The following APBB2 variants were observed in gnomAD, a reference collection of about 807,000 sequenced individuals.
APBB2 encodes amyloid beta precursor protein binding family B member 2.
A neutral mutation model predicts 82.5 loss-of-function variants in APBB2; 38 were observed. That is an observed-to-expected ratio of 0.46 (90% CI 0.36 to 0.60). The LOEUF (loss-of-function observed/expected upper bound fraction) is 0.60, where lower values mean the gene tolerates loss of function less well. APBB2 is among the 20% of genes least tolerant of loss of function. The pLI, the probability that APBB2 is intolerant of heterozygous loss-of-function variation, is 0.00. For missense variants in APBB2, 772 were observed against 972.3 expected, an observed-to-expected ratio of 0.79 and a Z score of 2.74; for synonymous variants, 341 against 368.2, an observed-to-expected ratio of 0.93 and a Z score of 0.85.
At chr4:40,961,681 A>AGTT (rs1435513871) in intron 6 of APBB2, among the ~76,000 whole-genome samples, 18 of 119,798 alleles carry the variant, frequency 1.5e-4, no homozygotes, top group African/African-American at 3.4e-4. Flanking sequence ...AAAAAAAAAA[A>AGTT]AAAAAAAAAA....
intron 3 of APBB2, among the ~76,000 whole-genome samples, chr4:41,091,611 T>A (rs1741738434): frequency 6.6e-6 from 1 of 152,212 alleles, no homozygotes; most frequent in Non-Finnish European, 1.5e-5. Flanking sequence ...CATCACTGAA[T>A]CACCAACACC....
At chr4:40,829,646 A>C (rs1577742531) in intron 13 of APBB2, among the ~76,000 whole-genome samples, 1 of 151,938 alleles carries the variant, frequency 6.6e-6, no homozygotes, top group African/African-American at 2.4e-5. Context: ...CTCCTCCTGA[A>C]AAGCAAGAGA....
chr4:41,140,700 C>T lies in APBB2; in HGVS notation c.-261+2287G>A, dbSNP rs531116118. Among the ~76,000 whole-genome samples, 6 of 152,350 alleles carry T rather than the reference C, an allele frequency of 3.9e-5. No homozygotes were observed. The East Asian group carries it at 7.7e-4, about 20-fold the overall frequency. On this transcript the variant is annotated intron_variant, in intron 2 of 17. Transcript: ENST00000508593. ...ATTTGTATTTACAGCCGGTCTCCAT[C>T]GCTCACGTTACCTCCTGGGCTCTGC...
chr4:41,083,311 A>C (rs1430421603), intron 3 of APBB2, among the ~76,000 whole-genome samples: 1 of 152,206 alleles, frequency 6.6e-6, no homozygotes, highest in African/African-American at 2.4e-5. Context: ...AAAGACGGGA[A>C]TGAAATACAT....
At chr4:40,824,187 T>C in intron 15 of APBB2, among the ~76,000 whole-genome samples, 1 of 151,876 alleles carries the variant, frequency 6.6e-6, no homozygotes. Context: ...AAAAAAGAAA[T>C]AACAGCCTTT....
chr4:41,145,737 CT>C (rs569621630), intron 1 of APBB2, among the ~76,000 whole-genome samples: 70 of 152,260 alleles, frequency 4.6e-4, no homozygotes, highest in African/African-American at 1.6e-3. Flanking sequence ...GAACAAAAGG[CT>C]TTCAACAAGA....
At position 40,810,504 on chromosome 4, in the gene APBB2, GGAGGTGCAGGTTGCAGT is replaced by G. The variant is rs1744192804; in HGVS notation, c.*5571_*5587del. On this transcript the variant is annotated 3_prime_UTR_variant, in exon 18 of 18. Coordinates refer to ENST00000508593, the MANE Select transcript of APBB2 (RefSeq NM_004307.2). ...GAGGTACGAGGATCTCTTGAGTCCA[GGAGGTGCAGGTTGCAGT>G]GAGCCAATATTGCCCCACTGCACTC... The G allele has an allele frequency of 6.7e-6, 1 of 149,826 alleles. No homozygotes were observed. Among genetic ancestry groups the G allele is most frequent in the African/African-American group, 2.5e-5 (1 of 40,406 alleles). The allele number at this position is 149,826 out of a possible 1,614,324, so 9.3% of individuals were successfully genotyped here. A position where few individuals can be genotyped will look rare whatever the true frequency, so the allele number is the denominator to read the frequency against.
At chr4:41,106,462 C>CT (rs11408479) in intron 2 of APBB2, among the ~76,000 whole-genome samples, 151,467 of 151,886 alleles carry the variant, frequency 1, 75,524 homozygotes, top group Middle Eastern at 1. Context: ...AGATTAGGCA[C>CT]TTTTTTTTGT....
At chr4:40,837,838 G>A (rs951232027) in intron 12 of APBB2, among the ~76,000 whole-genome samples, 13 of 152,234 alleles carry the variant, frequency 8.5e-5, no homozygotes, top group African/African-American at 2.9e-4. Flanking sequence ...CTAGTACCAG[G>A]AATCAAGTAC....
intron 7 of APBB2, among the ~76,000 whole-genome samples, chr4:40,938,611 G>A (rs1785987935): frequency 6.6e-6 from 1 of 152,170 alleles, no homozygotes; most frequent in Non-Finnish European, 1.5e-5. Flanking sequence ...CTCAGGGGCT[G>A]GGTATGTCCC....
intron 3 of APBB2, among the ~76,000 whole-genome samples, chr4:41,094,976 T>C (rs1298228185): frequency 6.6e-6 from 1 of 152,164 alleles, no homozygotes; most frequent in Non-Finnish European, 1.5e-5. Flanking sequence ...TCTTATAGTA[T>C]AGCAAATTAA....
chr4:41,203,320 T>C (rs1777169236), intron 1 of APBB2, among the ~76,000 whole-genome samples: 1 of 152,118 alleles, frequency 6.6e-6, no homozygotes, highest in South Asian at 2.1e-4. Flanking sequence ...CATGAGACAA[T>C]GATACATAAA....
At chr4:41,196,599 CTTTTT>C in intron 1 of APBB2, among the ~76,000 whole-genome samples, 1 of 100,326 alleles carries the variant, frequency 1.0e-5, no homozygotes, top group African/African-American at 4.3e-5. Context: ...AAGCCCCCTG[CTTTTT>C]TTTTTTTTTT....
chr4:40,889,369 T>C (rs967262715), intron 12 of APBB2, among the ~76,000 whole-genome samples: 3 of 152,178 alleles, frequency 2.0e-5, no homozygotes, highest in African/African-American at 7.2e-5. Context: ...TAAGCCAAGG[T>C]AGACAACAAC....
chr4:41,117,571 G>A (rs562124469), intron 2 of APBB2, among the ~76,000 whole-genome samples: 13 of 152,252 alleles, frequency 8.5e-5, no homozygotes, highest in Admixed American at 4.6e-4. Flanking sequence ...GATTACAGGC[G>A]TGAGGCACCA....
At chr4:40,907,125 ATAT>A (rs1336661321) in intron 10 of APBB2, among the ~76,000 whole-genome samples, 7 of 151,950 alleles carry the variant, frequency 4.6e-5, no homozygotes, top group Non-Finnish European at 8.8e-5. Flanking sequence ...CATGAGGCAG[ATAT>A]TATTATTGCC....
chr4:41,017,355 A>C (rs552830236), intron 5 of APBB2, among the ~76,000 whole-genome samples: 2 of 152,350 alleles, frequency 1.3e-5, no homozygotes, highest in East Asian at 1.9e-4. Context: ...TAGGAGTTAC[A>C]TATCAGCTAG....
intron 4 of APBB2, among the ~76,000 whole-genome samples, chr4:41,037,959 G>A (rs1398070664): frequency 6.6e-6 from 1 of 151,032 alleles, no homozygotes; most frequent in Non-Finnish European, 1.5e-5. Flanking sequence ...TAGAGTTGTT[G>A]GGGACTAATG....
In APBB2 at chr4:40,880,026, G is replaced by C. The variant is rs961790510; in HGVS notation, c.1529+10338C>G. On this transcript the variant is annotated intron_variant, in intron 12 of 17. Coordinates refer to ENST00000508593, the MANE Select transcript of APBB2 (RefSeq NM_004307.2). ...CAATATTTCAAGGAAATATTACTAT[G>C]TTAATAAAAAGAGTGTCACTGGGAG... 2.3e-5 allele frequency: 23 copies of C among 985,270 alleles called. No homozygotes were observed. In the African/African-American group the frequency reaches 3.5e-4, roughly 15 times the overall value. The allele number at this position is 985,270 out of a possible 1,614,324, so 61.0% of individuals were successfully genotyped here.
Sources: allele counts gnomAD v4.1 joint callset (sites outside exome capture counted in the v4.1 genomes callset), GRCh38; gene constraint gnomAD v4.1.1; transcripts MANE v1.5; gene names NCBI Gene and HGNC (gene_info 2026-07-23, HGNC 2026-07-21).